The following C4orf50 variants were observed in gnomAD, a reference collection of about 807,000 sequenced individuals.
The protein encoded by C4orf50 is chromosome 4 open reading frame 50.
In C4orf50, 80 loss-of-function variants were observed where a neutral mutation model predicts 77.2. That is an observed-to-expected ratio of 1.04 (90% confidence interval 0.87 to 1.25). C4orf50 has a LOEUF of 1.25. Ranked by LOEUF, C4orf50 falls within the 50% of genes most tolerant of loss-of-function variation. The pLI is 0.00. For missense variants in C4orf50, 1,257 were observed against 1,152.9 expected (o/e 1.09, Z -1.31); for synonymous variants, 532 against 465.3 (o/e 1.14, Z -1.84).
At chr4:6,001,346 C>T (rs1219654753) in intron 25 of C4orf50, among the ~76,000 whole-genome samples, 4 of 152,166 alleles carry the variant, frequency 2.6e-5, no homozygotes, top group Admixed American at 2.6e-4. Context: ...GACAGGGTTT[C>T]ACCATGTTGG....
intron 7 of C4orf50, among the ~76,000 whole-genome samples, chr4:5,945,505 T>C (rs1718443225): frequency 6.6e-6 from 1 of 152,154 alleles, no homozygotes; most frequent in Non-Finnish European, 1.5e-5. Context: ...GCCTGGCACC[T>C]GCAGATCGGA....
At chr4:5,943,179 A>G (rs564697324) in intron 7 of C4orf50, among the ~76,000 whole-genome samples, 5 of 152,334 alleles carry the variant, frequency 3.3e-5, no homozygotes, top group African/African-American at 9.6e-5. Context: ...CAGAAGCGGC[A>G]GCTGTTTCCG....
rs1440023925 is a variant in C4orf50, at chr4:5,908,107, AC to A, written c.*2475-9920del. ...CTCATTTATTTGCTCATTTTTAAGTACCTACTATATGCCAGGCACTGTGTTC... is the reference window on the plus strand; with the variant it reads ...CTCATTTATTTGCTCATTTTTAAGTACTACTATATGCCAGGCACTGTGTTC... On this transcript the variant is annotated intron_variant, in intron 7 of 7. Coordinates refer to the C4orf50 transcript ENST00000324058. This position sits in a 1 kb window ranked among gnomAD's most constrained non-coding sequence, Gnocchi z 5.6. Among the ~76,000 whole-genome samples, 1 of 152,142 alleles carries A rather than the reference AC, an allele frequency of 6.6e-6. No individual in the cohort carries two copies. The highest frequency in any genetic ancestry group is 1.5e-5 in the Non-Finnish European group (1 of 68,028).
intron 25 of C4orf50, among the ~76,000 whole-genome samples, chr4:6,005,455 T>C (rs755463822): frequency 3.3e-5 from 5 of 152,168 alleles, no homozygotes; most frequent in Non-Finnish European, 7.4e-5. Context: ...GCTTATGGCA[T>C]AGAATCTACT....
rs1394682668 is a variant in C4orf50, at chr4:6,000,271, TG to T, written c.964-5796del. ...GCCTGGAAGCCACAGCCATGGCCACTGAGGCTCATGCAATTTCCACCAAGAC... is the reference window on the plus strand; with the variant it reads ...GCCTGGAAGCCACAGCCATGGCCACTAGGCTCATGCAATTTCCACCAAGAC... On this transcript the variant is annotated intron_variant, in intron 25 of 33. Coordinates refer to ENST00000531445, the Ensembl canonical transcript of C4orf50. The surrounding 1 kb of genome is among the most constrained non-coding windows in gnomAD (Gnocchi z 6.0). 6.6e-6 allele frequency among the ~76,000 whole-genome samples: 1 copy of T among 152,176 alleles called. No homozygotes were observed. The highest frequency in any genetic ancestry group is 2.4e-5 in the African/African-American group (1 of 41,456).
At chr4:5,936,704 G>T (rs1718036183) in intron 7 of C4orf50, among the ~76,000 whole-genome samples, 1 of 151,792 alleles carries the variant, frequency 6.6e-6, no homozygotes, top group Non-Finnish European at 1.5e-5. Flanking sequence ...AGGGGTTGAA[G>T]GTGTAATATT....
intron 25 of C4orf50, among the ~76,000 whole-genome samples, chr4:5,998,398 G>T (rs1482253469): frequency 6.6e-6 from 1 of 152,068 alleles, no homozygotes; most frequent in Non-Finnish European, 1.5e-5. Context: ...CTTGCTTGCT[G>T]CTGGAGAGAG....
chr4:5,987,858 C>T (rs1315113630), intron 28 of C4orf50, among the ~76,000 whole-genome samples: 7 of 152,206 alleles, frequency 4.6e-5, no homozygotes, highest in Admixed American at 3.9e-4. Flanking sequence ...CAAGCGAAGT[C>T]TGCATGTGGC....
intron 31 of C4orf50, among the ~76,000 whole-genome samples, chr4:5,972,991 G>A (rs934763008): frequency 2.0e-5 from 3 of 152,206 alleles, no homozygotes; most frequent in African/African-American, 7.2e-5. Context: ...ACTGGGAGAG[G>A]AGATTCTCAT....
exon 28 of C4orf50, chr4:5,988,349 T>C (rs114971030): frequency 3.5e-5 from 56 of 1,613,640 alleles, no homozygotes; most frequent in African/African-American, 5.3e-5. Flanking sequence ...CAACCTACCA[T>C]GGGGCCATTG....
At chr4:5,987,170 G>A (rs1720909589) in intron 28 of C4orf50, among the ~76,000 whole-genome samples, 1 of 151,806 alleles carries the variant, frequency 6.6e-6, no homozygotes, top group Non-Finnish European at 1.5e-5. Context: ...TAGCACTTTG[G>A]GAGGCCTAGG....
intron 7 of C4orf50, among the ~76,000 whole-genome samples, chr4:5,945,352 G>A (rs750661054): frequency 5.3e-5 from 8 of 152,210 alleles, no homozygotes; most frequent in Non-Finnish European, 1.0e-4. Context: ...TAGAACCCAG[G>A]CCCTGGCTGA....
At chr4:6,005,273 G>A (rs1313402563) in intron 25 of C4orf50, among the ~76,000 whole-genome samples, 1 of 152,168 alleles carries the variant, frequency 6.6e-6, no homozygotes, top group Admixed American at 6.5e-5. Context: ...ACACTTGATG[G>A]GCAATTTAGG....
rs955820621 is a variant in C4orf50 at position 6,015,358 on chromosome 4, G to A, written c.287+2787C>T. ...AGGGATGACCATGTGACGACACAGG[G>A]AGAAGGTGGAGTCCACAAGCCAAGG... On this transcript the variant is annotated intron_variant, in intron 23 of 33. Transcript: ENST00000531445. This position sits in a 1 kb window ranked among gnomAD's most constrained non-coding sequence, Gnocchi z 4.4. Among the ~76,000 whole-genome samples the A allele has an allele frequency of 5.3e-5, 8 of 152,182 alleles. No homozygotes were observed. The highest frequency in any genetic ancestry group is 1.2e-4 in the Non-Finnish European group (8 of 68,030).
rs113508380 is a variant in C4orf50 at position 5,933,695 on chromosome 4, C to T, written c.*2474+23206G>A. Among the ~76,000 whole-genome samples, 562 of 152,312 alleles carry T rather than the reference C, an allele frequency of 3.7e-3. 4 individuals carry two copies. Among genetic ancestry groups the T allele is most frequent in the Middle Eastern group, 0.01 (3 of 294 alleles). On this transcript the variant is annotated intron_variant, in intron 7 of 7. Transcript: ENST00000324058. ...TTTTGACTACGGTCGTGCCTCCCTG[C>T]GGAGCTCGGGTGCCCATGGGAAATG... is the stretch of plus-strand genomic sequence containing the variant.
chr4:5,990,060 C>A, exon 28 of C4orf50: 2 of 1,347,582 alleles, frequency 1.5e-6, no homozygotes, highest in Non-Finnish European at 1.9e-6. Flanking sequence ...CTTCCTCATT[C>A]TCTGATGACA....
intron 23 of C4orf50, among the ~76,000 whole-genome samples, chr4:6,016,432 C>A (rs931059054): frequency 6.6e-6 from 1 of 152,128 alleles, no homozygotes; most frequent in Non-Finnish European, 1.5e-5. Flanking sequence ...GCCTATAGTC[C>A]CAGCTACTCG....
chr4:5,973,737 G>A (rs148153630), exon 31 of C4orf50: 122 of 1,613,978 alleles, frequency 7.6e-5, no homozygotes, highest in Non-Finnish European at 9.7e-5. Flanking sequence ...GCGCCAGCTC[G>A]GAGAGCAGGA....
chr4:5,979,905 G>A (rs1206704661), intron 29 of C4orf50, among the ~76,000 whole-genome samples: 5 of 152,170 alleles, frequency 3.3e-5, no homozygotes, highest in Non-Finnish European at 7.3e-5. Flanking sequence ...GAAAGGCTTT[G>A]ACTTTTATTT....
Sources: gnomAD v4.1 joint callset for allele counts (sites outside exome capture counted in the v4.1 genomes callset) on GRCh38, gnomAD v4.1.1 for gene constraint, Gnocchi (gnomAD v3.1) non-coding constraint, MANE v1.5 for transcripts, NCBI Gene and HGNC (gene_info 2026-07-23, HGNC 2026-07-21) for gene names.